The following UMAD1 variants were observed in gnomAD, a reference collection of about 807,000 sequenced individuals.
UMAD1 encodes UBAP1-MVB12-associated (UMA) domain containing 1.
UMAD1 carries 8 observed loss-of-function variants against 6.1 expected under a neutral mutation model. The ratio of observed to expected loss-of-function variants is 1.30; its 90% CI spans 0.76 to 2.35. The LOEUF (loss-of-function observed/expected upper bound fraction) is 2.35. Ranked by LOEUF, UMAD1 falls within the 30% of genes most tolerant of loss-of-function variation. UMAD1 has a pLI of 0.00. For synonymous variants in UMAD1, 56 were observed against 31.4 expected (o/e 1.78, Z -2.61); for missense variants, 130 against 78.4 (o/e 1.66, Z -2.49).
At chr7:7,812,869 T>A (rs1489504230) in intron 3 of UMAD1, among the ~76,000 whole-genome samples, 25 of 151,912 alleles carry the variant, frequency 1.6e-4, no homozygotes, top group Non-Finnish European at 1.5e-5. Context: ...CCTCCTTTGG[T>A]TTATATTACC....
chr7:7,673,896 TTAAGAC>T (rs1174383479), intron 2 of UMAD1, among the ~76,000 whole-genome samples: 7 of 152,228 alleles, frequency 4.6e-5, no homozygotes, highest in African/African-American at 1.7e-4. Flanking sequence ...TGTTTCCTGT[TTAAGAC>T]TATTTTCTAT....
intron 1 of UMAD1, among the ~76,000 whole-genome samples, chr7:7,663,751 G>T (rs1047187440): frequency 1.3e-5 from 2 of 152,104 alleles, no homozygotes; most frequent in African/African-American, 4.8e-5. Flanking sequence ...ATGCAAAATT[G>T]GTTAGTATCC....
chr7:7,689,615 C>T (rs779048334), intron 2 of UMAD1, among the ~76,000 whole-genome samples: 94 of 152,078 alleles, frequency 6.2e-4, no homozygotes, highest in Non-Finnish European at 1.2e-3. Context: ...GTTTTTCATG[C>T]CCAGACTTCA....
chr7:7,745,275 G>A (rs1010801299), intron 2 of UMAD1, among the ~76,000 whole-genome samples: 30 of 152,138 alleles, frequency 2.0e-4, no homozygotes, highest in Non-Finnish European at 3.5e-4. Context: ...GAAAATACAC[G>A]TATAGTGTAC....
chr7:7,826,184 C>T (rs548824324), intron 3 of UMAD1, among the ~76,000 whole-genome samples: 1 of 152,106 alleles, frequency 6.6e-6, no homozygotes, highest in East Asian at 1.9e-4. Context: ...ATTGATATTC[C>T]TGAACTGGTG....
rs1016456457 is a variant in UMAD1 at position 7,827,410 on chromosome 7, C to T, written c.156+25667C>T. Among the ~76,000 whole-genome samples, 6 of 151,446 alleles carry T rather than the reference C, an allele frequency of 4.0e-5. No individual in the cohort carries two copies. The East Asian group carries it at 1.2e-3, about 29-fold the overall frequency. On this transcript the variant is annotated intron_variant, in intron 3 of 3. Coordinates refer to ENST00000682710, the MANE Select transcript of UMAD1 (RefSeq NM_001302348.2). ...TCCTCCTGTATTCAACTTGTGCCAC[C>T]TATTATTTTAGGATATTTATCGTAC...
At chr7:7,652,181 T>C (rs1478188100) in intron 1 of UMAD1, among the ~76,000 whole-genome samples, 2 of 152,226 alleles carry the variant, frequency 1.3e-5, no homozygotes, top group Non-Finnish European at 2.9e-5. Context: ...ATCTTCTTTG[T>C]GGTTCATGCT....
At chr7:7,819,567 G>C (rs942616388) in intron 3 of UMAD1, among the ~76,000 whole-genome samples, 2 of 152,168 alleles carry the variant, frequency 1.3e-5, no homozygotes, top group Admixed American at 1.3e-4. Flanking sequence ...ATAAAGCTAC[G>C]TGTATATTAC....
intron 2 of UMAD1, among the ~76,000 whole-genome samples, chr7:7,710,604 G>A (rs1780730972): frequency 6.6e-6 from 1 of 152,146 alleles, no homozygotes; most frequent in African/African-American, 2.4e-5. Context: ...TTGATGATAG[G>A]AATGTAAAAT....
chr7:7,718,929 A>G (rs1780987169), intron 2 of UMAD1, among the ~76,000 whole-genome samples: 1 of 146,008 alleles, frequency 6.8e-6, no homozygotes, highest in Non-Finnish European at 1.5e-5. Flanking sequence ...GATTTTGACC[A>G]TCAGTTAAGT....
At chr7:7,773,205 C>A (rs1366951715) in intron 2 of UMAD1, among the ~76,000 whole-genome samples, 1 of 152,160 alleles carries the variant, frequency 6.6e-6, no homozygotes, top group Non-Finnish European at 1.5e-5. Context: ...AAAAAGTGAC[C>A]TACTTTTATA....
chr7:7,754,344 C>T (rs1230518816), intron 2 of UMAD1, among the ~76,000 whole-genome samples: 1 of 152,108 alleles, frequency 6.6e-6, no homozygotes, highest in Non-Finnish European at 1.5e-5. Context: ...TGTTGCATTT[C>T]TCTGGTGATC....
At chr7:7,694,307 C>A (rs889643175) in intron 2 of UMAD1, among the ~76,000 whole-genome samples, 4 of 152,070 alleles carry the variant, frequency 2.6e-5, no homozygotes, top group African/African-American at 9.7e-5. Context: ...CAGGCATACA[C>A]ATATAATAAT....
intron 2 of UMAD1, among the ~76,000 whole-genome samples, chr7:7,693,302 T>TCTATCTATCTAC (rs1182563546): frequency 6.8e-6 from 1 of 146,190 alleles, no homozygotes; most frequent in Non-Finnish European, 1.5e-5. Context: ...TCTTTATCTA[T>TCTATCTATCTAC]CTATCTATCT....
At chr7:7,827,096 A>G (rs1351795274) in intron 3 of UMAD1, among the ~76,000 whole-genome samples, 1 of 144,878 alleles carries the variant, frequency 6.9e-6, no homozygotes, top group Admixed American at 6.9e-5. Flanking sequence ...TTTCCCCTGA[A>G]GTGTTTTATC....
intron 2 of UMAD1, among the ~76,000 whole-genome samples, chr7:7,776,545 G>A (rs139565946): frequency 2.0e-5 from 3 of 152,258 alleles, no homozygotes; most frequent in Admixed American, 6.5e-5. Context: ...TATGACTAAA[G>A]AATCTGTATC....
At chr7:7,773,661 A>C (rs570814224) in intron 2 of UMAD1, among the ~76,000 whole-genome samples, 5 of 152,346 alleles carry the variant, frequency 3.3e-5, no homozygotes, top group Non-Finnish European at 7.3e-5. Flanking sequence ...TTTTATACAG[A>C]TTGCCCAACA....
intron 2 of UMAD1, among the ~76,000 whole-genome samples, chr7:7,795,813 A>G (rs1186559408): frequency 6.6e-6 from 1 of 152,206 alleles, no homozygotes; most frequent in East Asian, 1.9e-4. Flanking sequence ...GAGGATGACC[A>G]GAGGCCACTT....
At chr7:7,794,132 T>C (rs1431147781) in intron 2 of UMAD1, among the ~76,000 whole-genome samples, 2 of 152,212 alleles carry the variant, frequency 1.3e-5, no homozygotes, top group Non-Finnish European at 2.9e-5. Flanking sequence ...TACAGAGTTC[T>C]AGATAAATCA....
Sources: allele counts gnomAD v4.1 joint callset (sites outside exome capture counted in the v4.1 genomes callset), GRCh38; gene constraint gnomAD v4.1.1; transcripts MANE v1.5; gene names NCBI Gene and HGNC (gene_info 2026-07-23, HGNC 2026-07-21).